BUD13: variants seen among roughly 807,000 people sequenced by gnomAD.
The protein encoded by BUD13 is BUD13 homolog.
In BUD13, 47 loss-of-function variants were observed where a neutral mutation model predicts 62.5. That is an observed-to-expected ratio of 0.75 (90% CI 0.60 to 0.96). BUD13 has a LOEUF of 0.96. Among genes scored for constraint, BUD13 ranks in the 40% least tolerant of loss-of-function variants. The pLI, the probability that BUD13 is intolerant of heterozygous loss-of-function variation, is 0.00. For synonymous variants in BUD13, 293 were observed against 280.1 expected (o/e 1.05, Z -0.46); for missense variants, 821 against 790.9 (o/e 1.04, Z -0.46).
chr11:116,759,996 T>C (rs919324850), intron 5 of BUD13, among the ~76,000 whole-genome samples: 2 of 152,234 alleles, frequency 1.3e-5, no homozygotes, highest in African/African-American at 4.8e-5. Flanking sequence ...CAATGTTCTT[T>C]ACAATATAAT....
chr11:116,759,240 G>A, intron 5 of BUD13, 61 bp from the exon 6 acceptor site: 1 of 1,164,270 alleles, frequency 8.6e-7, no homozygotes, highest in South Asian at 1.3e-5. Context: ...AGGCTCCATG[G>A]GTACACAGTT....
chr11:116,760,890 G>A lies in BUD13; in HGVS notation c.1099C>T (p.His367Tyr), dbSNP rs1940417888. ...GACAGATCTGAATCAGAATCCTGGT[G>A]CCCTGGACTTTGTTTATGCCGTGGA... ...SSPRHKQSPGHQDSDSDLSPP... is the reference protein window; with the variant it reads ...SSPRHKQSPGYQDSDSDLSPP... The change falls in exon 5 of 10, where the codon CAC (histidine) becomes TAC (tyrosine). Residue 367 changes from histidine (H) to tyrosine (Y), a missense_variant. Physicochemically the swap from His to Tyr is moderately conservative, Grantham distance 83. This residue lies in a region of BUD13 where 800 missense variants were observed against 739.2 expected (regional missense o/e 1.08). Coordinates refer to ENST00000260210, the MANE Select transcript of BUD13 (RefSeq NM_032725.4). 3.7e-6 allele frequency: 6 copies of A among 1,613,962 alleles called. 1 individual carries two copies. In the Admixed American group the frequency reaches 1.0e-4, roughly 27 times the overall value.
chr11:116,748,798 T>C (rs1395746281), intron 9 of BUD13, among the ~76,000 whole-genome samples: 2 of 151,994 alleles, frequency 1.3e-5, no homozygotes, highest in African/African-American at 4.8e-5. Context: ...CCAGCCTGCC[T>C]AATATGGTGA....
intron 2 of BUD13, among the ~76,000 whole-genome samples, chr11:116,769,722 C>G (rs1267149407): frequency 1.3e-5 from 2 of 152,032 alleles, no homozygotes; most frequent in Non-Finnish European, 2.9e-5. Flanking sequence ...TCTCAACTAA[C>G]CCCCCTACAA....
At chr11:116,752,112 T>C (rs1214653691) in intron 9 of BUD13, among the ~76,000 whole-genome samples, 2 of 152,006 alleles carry the variant, frequency 1.3e-5, no homozygotes, top group Non-Finnish European at 2.9e-5. Context: ...CCCAGCTAAT[T>C]TTTTGTATTT....
In BUD13 at chr11:116,759,069, T is replaced by G. The variant is rs1218608587; in HGVS notation, c.1360+5A>C. ...AAATTGGTCTCTGCACTTTCATATTTTTACCTTCAAATGCCATGGTTTCTT... is the reference window on the plus strand; with the variant it reads ...AAATTGGTCTCTGCACTTTCATATTGTTACCTTCAAATGCCATGGTTTCTT... On this transcript the variant is annotated splice_donor_5th_base_variant and intron_variant, in intron 6 of 9. Coordinates refer to ENST00000260210, the MANE Select transcript of BUD13 (RefSeq NM_032725.4). 2 of 1,612,820 alleles carry G rather than the reference T, an allele frequency of 1.2e-6. No homozygotes were observed. The highest frequency in any genetic ancestry group is 2.2e-5 in the South Asian group (2 of 91,024).
intron 2 of BUD13, among the ~76,000 whole-genome samples, chr11:116,767,053 TG>T (rs770519724): frequency 1.8e-4 from 27 of 151,968 alleles, no homozygotes; most frequent in South Asian, 4.2e-4. Context: ...CTGGGCATGG[TG>T]GCAGGCGCCT....
intron 2 of BUD13, among the ~76,000 whole-genome samples, chr11:116,766,808 G>C (rs929364112): frequency 6.6e-5 from 10 of 152,196 alleles, no homozygotes; most frequent in Non-Finnish European, 1.3e-4. Context: ...CAGTAATCAA[G>C]ATCTGTTTTA....
At chr11:116,769,014 CAAAA>C (rs34626460) in intron 2 of BUD13, among the ~76,000 whole-genome samples, 4 of 90,160 alleles carry the variant, frequency 4.4e-5, no homozygotes, top group East Asian at 3.4e-4. Flanking sequence ...GACTCCGTCT[CAAAA>C]AAAAAAAAAA....
At chr11:116,764,567 G>A (rs1229811438) in intron 3 of BUD13, among the ~76,000 whole-genome samples, 5 of 152,142 alleles carry the variant, frequency 3.3e-5, no homozygotes, top group Non-Finnish European at 7.3e-5. Context: ...AAAAGGCACC[G>A]TGTGTATGTG....
chr11:116,756,506 C>T (rs1940329061), intron 9 of BUD13, among the ~76,000 whole-genome samples: 1 of 148,376 alleles, frequency 6.7e-6, no homozygotes, highest in Non-Finnish European at 1.5e-5. Flanking sequence ...GGCGAGGCTC[C>T]ATCTCAAAAA....
chr11:116,769,868 A>G lies in BUD13; in HGVS notation c.237+261T>C, dbSNP rs1049955527. Among the ~76,000 whole-genome samples the G allele has an allele frequency of 5.3e-5, 8 of 152,038 alleles. No individual in the cohort carries two copies. In the East Asian group the frequency reaches 5.8e-4, roughly 11 times the overall value. ...TGAGTTCAAGACCAGCCTGGCCAAC[A>G]TGGTGAAACCCCATTTCTACAAAAA... On this transcript the variant is annotated intron_variant, in intron 2 of 9. Transcript: ENST00000260210.
At chr11:116,763,333 A>G in intron 3 of BUD13, 67 bp from the exon 4 acceptor site, 1 of 1,405,212 alleles carries the variant, frequency 7.1e-7, no homozygotes, top group Non-Finnish European at 9.6e-7. Context: ...CCCCACACCC[A>G]GTTTCAAAAG....
At chr11:116,766,219 C>G (rs1272978801) in intron 2 of BUD13, among the ~76,000 whole-genome samples, 1 of 152,176 alleles carries the variant, frequency 6.6e-6, no homozygotes, top group Non-Finnish European at 1.5e-5. Context: ...CATAATAAAT[C>G]CTAGTTACAG....
chr11:116,756,133 G>A (rs967763040), intron 9 of BUD13, among the ~76,000 whole-genome samples: 14 of 151,970 alleles, frequency 9.2e-5, no homozygotes, highest in East Asian at 3.9e-4. Flanking sequence ...GCTTGAACCC[G>A]GGAAGTGGAG....
In BUD13 at chr11:116,764,121, G is replaced by C. The variant is rs117106280; in HGVS notation, c.323-855C>G. On this transcript the variant is annotated intron_variant, in intron 3 of 9. Transcript: ENST00000260210. ...TCTTTAAAATATGTAAAGCTTTAAA[G>C]TTAAAATACATAGTTTGAGACCTTC... Among the ~76,000 whole-genome samples, 928 of 152,310 alleles carry C rather than the reference G, an allele frequency of 6.1e-3. 8 individuals carry two copies. The highest frequency in any genetic ancestry group is 0.01 in the Non-Finnish European group (710 of 68,030).
chr11:116,758,034 G>A (rs1940362521), intron 7 of BUD13, 84 bp from the exon 8 acceptor site: 2 of 1,536,318 alleles, frequency 1.3e-6, no homozygotes, highest in Non-Finnish European at 1.8e-6. Flanking sequence ...GCTAAGTTTG[G>A]ACAATCTCCT....
chr11:116,751,082 T>C (rs1257510685), intron 9 of BUD13, among the ~76,000 whole-genome samples: 3 of 152,192 alleles, frequency 2.0e-5, no homozygotes, highest in Non-Finnish European at 4.4e-5. Flanking sequence ...ATCACTCACA[T>C]CCTCCTAAGG....
At chr11:116,751,228 T>C (rs922374215) in intron 9 of BUD13, among the ~76,000 whole-genome samples, 2 of 152,226 alleles carry the variant, frequency 1.3e-5, no homozygotes, top group African/African-American at 4.8e-5. Context: ...CTATCTCTCT[T>C]TAATCATGGA....
Sources: allele counts gnomAD v4.1 joint callset (sites outside exome capture counted in the v4.1 genomes callset), GRCh38; gene constraint gnomAD v4.1.1; regional missense constraint gnomAD v4.1.1; transcripts MANE v1.5; gene names NCBI Gene and HGNC (gene_info 2026-07-23, HGNC 2026-07-21).